The following PCDHGB7 variants were observed in gnomAD, a reference collection of about 807,000 sequenced individuals.
The protein encoded by PCDHGB7 is protocadherin gamma subfamily B, 7.
Under a neutral mutation model 61.4 loss-of-function variants are expected in PCDHGB7, and 37 were observed. The ratio of observed to expected loss-of-function variants is 0.60; its 90% CI spans 0.46 to 0.79. The LOEUF (loss-of-function observed/expected upper bound fraction) is 0.79, where lower values mean the gene tolerates loss of function less well. PCDHGB7 is among the 30% of genes least tolerant of loss of function. The probability of loss-of-function intolerance (pLI) is 0.00; values close to 1 mark genes in which losing one functional copy is unlikely to be tolerated. For missense variants in PCDHGB7, 1,166 were observed against 1,202.5 expected (o/e 0.97, Z 0.45); for synonymous variants, 464 against 503.5 (o/e 0.92, Z 1.05).
intron 2 of PCDHGB7, among the ~76,000 whole-genome samples, chr5:141,504,563 C>G (rs1036149640): frequency 3.3e-5 from 5 of 149,436 alleles, no homozygotes; most frequent in African/African-American, 1.2e-4. Context: ...GACTGGCATT[C>G]TAGGGAACAC....
intron 1 of PCDHGB7, chr5:141,424,411 C>T (rs1259102577): frequency 6.6e-6 from 1 of 152,154 alleles, no homozygotes; most frequent in Admixed American, 6.5e-5. Flanking sequence ...GGTGAAGTTA[C>T]ATTGACTGTT....
rs754462129 is a variant in PCDHGB7, at chr5:141,490,693, G to T, written c.2416-4114G>T. 6.2e-7 allele frequency: 1 copy of T among 1,614,170 alleles called. No homozygotes were observed. Among genetic ancestry groups the T allele is most frequent in the South Asian group, 1.1e-5 (1 of 91,072 alleles). On this transcript the variant is annotated intron_variant, in intron 1 of 3. Transcript: ENST00000398594. This position sits in a 1 kb window ranked among gnomAD's most constrained non-coding sequence, Gnocchi z 5.4. Reference sequence around the variant, plus strand: ...GGCTGCCTCAGATCCAGACACTGGGGATAATGCCCGCCTCACCTACTCCAT... The same window carrying T: ...GGCTGCCTCAGATCCAGACACTGGGTATAATGCCCGCCTCACCTACTCCAT...
intron 1 of PCDHGB7, among the ~76,000 whole-genome samples, chr5:141,450,233 G>A (rs2098674391): frequency 6.6e-6 from 1 of 152,026 alleles, no homozygotes; most frequent in Non-Finnish European, 1.5e-5. Flanking sequence ...GGCCAGGCTA[G>A]TCTTGAACTC....
rs753872725 is a variant in PCDHGB7, at chr5:141,423,153, C to T, written c.2415+2879C>T. ...TGGACAGAGACGCGCTCAAGCAGAG[C>T]CTCGTGGTGGCCGTCCAGGACCACG... On this transcript the variant is annotated intron_variant, in intron 1 of 3. Transcript: ENST00000398594. The T allele has an allele frequency of 3.7e-6, 6 of 1,613,482 alleles. No homozygotes were observed. The East Asian group carries it at 8.9e-5, about 24-fold the overall frequency.
rs1416582920 is a variant in PCDHGB7, at chr5:141,419,863, G to T, written c.2004G>T (p.Leu668Phe). The change falls in exon 1 of 4, where the codon TTG (leucine) becomes TTT (phenylalanine). Residue 668 changes from leucine to phenylalanine, a missense_variant. Physicochemically the swap from Leu to Phe is conservative, Grantham distance 22. Coordinates refer to ENST00000398594, the MANE Select transcript of PCDHGB7 (RefSeq NM_018927.4). The part of the protein sequence containing the change: ...ATLHLVFADS[L>F]QEVLPDFSDH... ...TGCACCTGGTGTTCGCAGATAGCTT[G>T]CAAGAGGTACTGCCGGATTTCAGCG... is the stretch of plus-strand genomic sequence containing the variant. 6.2e-7 allele frequency: 1 copy of T among 1,614,108 alleles called. No homozygotes were observed. The highest frequency in any genetic ancestry group is 8.5e-7 in the Non-Finnish European group (1 of 1,179,896).
chr5:141,471,338 A>G (rs1562030662), intron 1 of PCDHGB7: 1 of 152,234 alleles, frequency 6.6e-6, no homozygotes, highest in Non-Finnish European at 1.5e-5. Context: ...GGTATGATCC[A>G]CTGCGCCCGG....
intron 1 of PCDHGB7, among the ~76,000 whole-genome samples, chr5:141,472,357 C>T (rs1020143523): frequency 2.4e-4 from 37 of 152,012 alleles, no homozygotes; most frequent in Non-Finnish European, 1.5e-4. Context: ...CTGGCTAACA[C>T]GGTGAAACCC....
In PCDHGB7 at chr5:141,491,633, C is replaced by T; in HGVS notation, c.2416-3174C>T. Reference sequence around the variant, plus strand: ...CTAAGACCCCTCAGCGTTCAGCAGCCCACAGCTCTGGCGCTGGAGCCTGAC... The same window carrying T: ...CTAAGACCCCTCAGCGTTCAGCAGCTCACAGCTCTGGCGCTGGAGCCTGAC... On this transcript the variant is annotated intron_variant, in intron 1 of 3. Transcript: ENST00000398594. This position sits in a 1 kb window ranked among gnomAD's most constrained non-coding sequence, Gnocchi z 6.9. 2 of 1,613,916 alleles carry T rather than the reference C, an allele frequency of 1.2e-6. No homozygotes were observed.
At position 141,489,300 on chromosome 5, in the gene PCDHGB7, C is replaced by T; in HGVS notation, c.2416-5507C>T. 1 of 1,585,700 alleles carries T rather than the reference C, an allele frequency of 6.3e-7. No individual in the cohort carries two copies. The highest frequency in any genetic ancestry group is 1.3e-5 in the African/African-American group (1 of 74,388). On this transcript the variant is annotated intron_variant, in intron 1 of 3. Coordinates refer to ENST00000398594, the MANE Select transcript of PCDHGB7 (RefSeq NM_018927.4). This position sits in a 1 kb window ranked among gnomAD's most constrained non-coding sequence, Gnocchi z 4.5. The stretch of plus-strand genomic sequence containing the variant: ...AATGGCAAGTGCTGTGCATGTTGTC[C>T]TTGTGCTGCTGGGGCTGGGTGTCTG...
intron 1 of PCDHGB7, chr5:141,441,844 G>T: frequency 2.8e-6 from 1 of 355,710 alleles, no homozygotes. Context: ...CGCGCTCTTG[G>T]ATATGGTGCT....
intron 1 of PCDHGB7, chr5:141,421,202 C>G (rs1345590720): frequency 6.6e-7 from 1 of 1,519,226 alleles, no homozygotes; most frequent in Non-Finnish European, 8.8e-7. Flanking sequence ...CTCGAGAAAC[C>G]GCGGAATATC....
At chr5:141,447,400 A>G (rs904985523) in intron 1 of PCDHGB7, among the ~76,000 whole-genome samples, 1 of 152,090 alleles carries the variant, frequency 6.6e-6, no homozygotes, top group Non-Finnish European at 1.5e-5. Flanking sequence ...GGCCTCCCAA[A>G]GTGCTGGGAT....
chr5:141,428,266 G>A (rs764763674), intron 1 of PCDHGB7: 1 of 810,620 alleles, frequency 1.2e-6, no homozygotes. Context: ...TGACAGTCCT[G>A]TGCCCTCTGA....
chr5:141,482,753 G>A (rs2154579665), intron 1 of PCDHGB7, among the ~76,000 whole-genome samples: 1 of 127,136 alleles, frequency 7.9e-6, no homozygotes. Context: ...GAGGGATTAT[G>A]GTATTTCATT....
chr5:141,444,561 GA>G (rs778707459), intron 1 of PCDHGB7, among the ~76,000 whole-genome samples: 17 of 152,098 alleles, frequency 1.1e-4, no homozygotes, highest in Non-Finnish European at 2.1e-4. Context: ...GCACTTATTT[GA>G]CACTTTTGAC....
In PCDHGB7 at chr5:141,445,037, GT is replaced by G. The variant is rs2098454887; in HGVS notation, c.2415+24767del. 5.3e-5 allele frequency among the ~76,000 whole-genome samples: 8 copies of G among 152,072 alleles called. No homozygotes were observed. In the South Asian group the frequency reaches 1.7e-3, roughly 32 times the overall value. On this transcript the variant is annotated intron_variant, in intron 1 of 3. Transcript: ENST00000398594. ...TAATTTCTCTCAGCTATGTTGTATAGTTTTCAGTGTAGAGAGGTCATGTATA... is the reference window on the plus strand; with the variant it reads ...TAATTTCTCTCAGCTATGTTGTATAGTTTCAGTGTAGAGAGGTCATGTATA...
rs770760145 is a variant in PCDHGB7 at position 141,421,951 on chromosome 5, A to C, written c.2415+1677A>C. On this transcript the variant is annotated intron_variant, in intron 1 of 3. Transcript: ENST00000398594. Reference sequence around the variant, plus strand: ...CCTCGATGTAAATGATCACATCCCAATGTTTACACAGTCCGTATATCGCGT... The same window carrying C: ...CCTCGATGTAAATGATCACATCCCACTGTTTACACAGTCCGTATATCGCGT... 1.9e-6 allele frequency: 3 copies of C among 1,612,854 alleles called. No homozygotes were observed. The highest frequency in any genetic ancestry group is 2.5e-6 in the Non-Finnish European group (3 of 1,179,434).
rs1430647254 is a variant in PCDHGB7 at position 141,477,750 on chromosome 5, C to T, written c.2416-17057C>T. On this transcript the variant is annotated intron_variant, in intron 1 of 3. Coordinates refer to ENST00000398594, the MANE Select transcript of PCDHGB7 (RefSeq NM_018927.4). This position sits in a 1 kb window ranked among gnomAD's most constrained non-coding sequence, Gnocchi z 4.9. ...GCTCATATCAGCGATGGGGGCACCC[C>T]GGTCCTAGCCACCAACATCAGCGTG... 8 of 1,613,772 alleles carry T rather than the reference C, an allele frequency of 5.0e-6. No individual in the cohort carries two copies. Among genetic ancestry groups the T allele is most frequent in the East Asian group, 2.2e-5 (1 of 44,890 alleles).
chr5:141,491,483 A>ACCTGCAGGTGAGCTCGG lies in PCDHGB7; in HGVS notation c.2416-3323_2416-3307dup. The ACCTGCAGGTGAGCTCGG allele has an allele frequency of 3.1e-6, 5 of 1,614,018 alleles. No individual in the cohort carries two copies. The highest frequency in any genetic ancestry group is 4.2e-6 in the Non-Finnish European group (5 of 1,180,012). ...GACTTCTATAAGCAGTCCAGCCCCAACCTGCAGGTGAGCTCGGACGGCACG... is the reference window on the plus strand; with the variant it reads ...GACTTCTATAAGCAGTCCAGCCCCAACCTGCAGGTGAGCTCGGCCTGCAGGTGAGCTCGGACGGCACG... On this transcript the variant is annotated intron_variant, in intron 1 of 3. Coordinates refer to ENST00000398594, the MANE Select transcript of PCDHGB7 (RefSeq NM_018927.4). The surrounding 1 kb of genome is among the most constrained non-coding windows in gnomAD (Gnocchi z 6.9).
Sources: allele counts gnomAD v4.1 joint callset (sites outside exome capture counted in the v4.1 genomes callset), GRCh38; gene constraint gnomAD v4.1.1; non-coding constraint Gnocchi (gnomAD v3.1); transcripts MANE v1.5; gene names NCBI Gene and HGNC (gene_info 2026-07-23, HGNC 2026-07-21).